The following GSK3B variants were observed in gnomAD, a reference collection of about 807,000 sequenced individuals.
GSK3B encodes glycogen synthase kinase 3 beta.
Under a neutral mutation model 56.4 loss-of-function variants are expected in GSK3B, and 15 were observed. The observed-to-expected ratio is 0.27, with a 90% CI of 0.18 to 0.41. The LOEUF (loss-of-function observed/expected upper bound fraction) is 0.41, where lower values mean the gene tolerates loss of function less well. Among genes scored for constraint, GSK3B ranks in the 10% least tolerant of loss-of-function variants. The pLI is 1.00. For synonymous variants in GSK3B, 181 were observed against 188.9 expected (o/e 0.96, Z 0.34); for missense variants, 300 against 513.4 (o/e 0.58, Z 4.02).
chr3:120,040,094 G>A (rs1261018308), intron 1 of GSK3B, among the ~76,000 whole-genome samples: 1 of 152,214 alleles, frequency 6.6e-6, no homozygotes, highest in Non-Finnish European at 1.5e-5. Flanking sequence ...CAGCGACTAG[G>A]TAACTCTGTG....
At chr3:120,026,923 T>C (rs115302975) in intron 1 of GSK3B, among the ~76,000 whole-genome samples, 1,701 of 151,526 alleles carry the variant, frequency 0.011, 27 homozygotes, top group African/African-American at 0.039. Context: ...GACAAAAAAT[T>C]AGCCAGGCGT....
In GSK3B at chr3:119,823,330, T is replaced by A; in HGVS notation, c.*3458A>T. 1 of 206,080 alleles carries A rather than the reference T, an allele frequency of 4.9e-6. No individual in the cohort carries two copies. The highest frequency in any genetic ancestry group is 9.9e-6 in the Non-Finnish European group (1 of 100,712). 12.8% of individuals were successfully genotyped at this position (206,080 alleles called of 1,614,324 possible). On this transcript the variant is annotated 3_prime_UTR_variant, in exon 11 of 11. Coordinates refer to ENST00000264235, the MANE Select transcript of GSK3B (RefSeq NM_001146156.2). ...AGATGGCGGGAGGGAGGAAATGGGC[T>A]AAGAGTTCCCTTGTTAAAACAACAG...
chr3:119,895,772 T>C (rs1033773244), intron 7 of GSK3B, among the ~76,000 whole-genome samples: 1 of 152,178 alleles, frequency 6.6e-6, no homozygotes, highest in Non-Finnish European at 1.5e-5. Flanking sequence ...TCTGTATGGC[T>C]ACATTCACGC....
intron 1 of GSK3B, among the ~76,000 whole-genome samples, chr3:120,085,241 C>T (rs1349372726): frequency 6.6e-6 from 1 of 152,146 alleles, no homozygotes; most frequent in African/African-American, 2.4e-5. Context: ...ATATGATATA[C>T]AGTACGTTGC....
At chr3:119,948,980 G>C (rs2057128838) in intron 2 of GSK3B, among the ~76,000 whole-genome samples, 1 of 152,238 alleles carries the variant, frequency 6.6e-6, no homozygotes, top group South Asian at 2.1e-4. Flanking sequence ...GGGATTACAG[G>C]CGTGAGCCAC....
At chr3:120,064,271 G>A (rs2107556193) in intron 1 of GSK3B, among the ~76,000 whole-genome samples, 1 of 151,914 alleles carries the variant, frequency 6.6e-6, no homozygotes, top group Middle Eastern at 3.4e-3. Flanking sequence ...GTATTGATAT[G>A]AATCACAGTG....
chr3:119,882,868 A>T (rs2056394845), intron 7 of GSK3B, among the ~76,000 whole-genome samples: 1 of 152,210 alleles, frequency 6.6e-6, no homozygotes, highest in Non-Finnish European at 1.5e-5. Flanking sequence ...TTATATTTAC[A>T]ATCAGTGGTC....
intron 1 of GSK3B, among the ~76,000 whole-genome samples, chr3:120,015,930 G>A (rs1333095150): frequency 6.6e-6 from 1 of 152,102 alleles, no homozygotes; most frequent in East Asian, 1.9e-4. Flanking sequence ...AGAATGGAGG[G>A]CTTACTGAAA....
intron 2 of GSK3B, among the ~76,000 whole-genome samples, chr3:119,998,904 C>T (rs1277996469): frequency 1.3e-5 from 2 of 152,154 alleles, no homozygotes; most frequent in Admixed American, 6.5e-5. Context: ...ATGGGCATTA[C>T]TCATATTCAA....
chr3:120,072,653 T>A (rs1347679225), intron 1 of GSK3B, among the ~76,000 whole-genome samples: 1 of 152,198 alleles, frequency 6.6e-6, no homozygotes, highest in Admixed American at 6.5e-5. Context: ...GACAATCAAC[T>A]ATGTATTACA....
At chr3:120,008,000 A>G (rs1485817215) in intron 1 of GSK3B, among the ~76,000 whole-genome samples, 1 of 151,334 alleles carries the variant, frequency 6.6e-6, no homozygotes, top group Non-Finnish European at 1.5e-5. Flanking sequence ...GTCTCAGGCC[A>G]AACACTCCTT....
Position 119,823,561 on chromosome 3 carries a change from T to C in GSK3B, c.*3227A>G, listed in dbSNP as rs955422778. 3 of 186,942 alleles carry C rather than the reference T, an allele frequency of 1.6e-5. No individual in the cohort carries two copies. In the South Asian group the frequency reaches 5.9e-4, roughly 36 times the overall value. 11.6% of individuals were successfully genotyped at this position (186,942 alleles called of 1,614,324 possible). A position where few individuals can be genotyped will look rare whatever the true frequency, so the allele number is the denominator to read the frequency against. On this transcript the variant is annotated 3_prime_UTR_variant, in exon 11 of 11. Coordinates refer to ENST00000264235, the MANE Select transcript of GSK3B (RefSeq NM_001146156.2). ...GAAGGCTCCCAGAATCTGCTGTTTT[T>C]AAGACCCATGGTTAGGGCTTGTGGA... is the stretch of plus-strand genomic sequence containing the variant.
chr3:120,001,931 C>CAA, intron 2 of GSK3B, 115 bp downstream of exon 2: 1 of 627,204 alleles, frequency 1.6e-6, no homozygotes, highest in Non-Finnish European at 2.6e-6. Context: ...TTGAGCTGAA[C>CAA]AAAAATGCGC....
chr3:119,959,854 G>A (rs151212078), intron 2 of GSK3B, among the ~76,000 whole-genome samples: 3 of 151,950 alleles, frequency 2.0e-5, no homozygotes, highest in Non-Finnish European at 4.4e-5. Context: ...CGCCCGGCTT[G>A]ACCTCACATT....
At chr3:119,990,394 A>C (rs1413727398) in intron 2 of GSK3B, among the ~76,000 whole-genome samples, 1 of 152,180 alleles carries the variant, frequency 6.6e-6, no homozygotes, top group African/African-American at 2.4e-5. Flanking sequence ...ATCAGCCAGG[A>C]GCACCTCTCA....
At chr3:120,012,502 G>A (rs779378626) in intron 1 of GSK3B, among the ~76,000 whole-genome samples, 31 of 152,132 alleles carry the variant, frequency 2.0e-4, no homozygotes, top group Non-Finnish European at 4.1e-4. Context: ...CCCGTCAGAG[G>A]ACTTCACTCA....
At chr3:119,933,953 T>C (rs575601381) in intron 3 of GSK3B, among the ~76,000 whole-genome samples, 2 of 152,264 alleles carry the variant, frequency 1.3e-5, no homozygotes, top group South Asian at 4.1e-4. Context: ...GAACTCCCAG[T>C]GGCCAAACCT....
intron 10 of GSK3B, among the ~76,000 whole-genome samples, chr3:119,829,650 CT>C (rs771291628): frequency 2.0e-5 from 3 of 152,246 alleles, no homozygotes; most frequent in African/African-American, 7.2e-5. Flanking sequence ...CTTTCACTGA[CT>C]ACAGCCTGTG....
At chr3:119,916,509 T>C (rs1355735151) in intron 4 of GSK3B, among the ~76,000 whole-genome samples, 2 of 152,178 alleles carry the variant, frequency 1.3e-5, no homozygotes, top group African/African-American at 4.8e-5. Flanking sequence ...AAAACACAAA[T>C]GAAAAGCTCA....
Sources: gnomAD v4.1 joint callset for allele counts (sites outside exome capture counted in the v4.1 genomes callset) on GRCh38, gnomAD v4.1.1 for gene constraint, MANE v1.5 for transcripts, NCBI Gene and HGNC (gene_info 2026-07-23, HGNC 2026-07-21) for gene names.